The following DNAH7 variants were observed in gnomAD, a reference collection of about 807,000 sequenced individuals.
DNAH7 encodes dynein axonemal heavy chain 7.
In DNAH7, 397 loss-of-function variants were observed where a neutral mutation model predicts 444.6. That is an observed-to-expected ratio of 0.89 (90% CI 0.82 to 0.97). The LOEUF is 0.97. DNAH7 is among the 50% of genes least tolerant of loss of function. The probability of loss-of-function intolerance (pLI) is 0.00; values close to 1 mark genes in which losing one functional copy is unlikely to be tolerated. For missense variants in DNAH7, 4,902 were observed against 4,800.8 expected, an observed-to-expected ratio of 1.02 and a Z score of -0.62; for synonymous variants, 1,636 against 1,624.4, an observed-to-expected ratio of 1.01 and a Z score of -0.17.
At chr2:195,829,733 T>C (rs913324238) in intron 48 of DNAH7, among the ~76,000 whole-genome samples, 4 of 152,026 alleles carry the variant, frequency 2.6e-5, no homozygotes, top group Admixed American at 2.0e-4. Context: ...TATTAATATA[T>C]GTAAAAATCA....
chr2:195,904,544 CAGTTTTTTAA>C (rs979580551), intron 27 of DNAH7: 9 of 152,088 alleles, frequency 5.9e-5, no homozygotes, highest in African/African-American at 2.2e-4. Flanking sequence ...AGGAGCCCAG[CAGTTTTTTAA>C]AGCTGAAGAT....
At chr2:195,986,923 A>T in intron 14 of DNAH7, 143 bp downstream of exon 14, 1 of 753,468 alleles carries the variant, frequency 1.3e-6, no homozygotes, top group South Asian at 3.2e-5. Context: ...TGACACTTAA[A>T]GCCAAGCAGA....
chr2:195,900,590 G>A (rs1283035404), intron 27 of DNAH7, 96 bp from the exon 28 acceptor site: 4 of 1,184,604 alleles, frequency 3.4e-6, no homozygotes, highest in Non-Finnish European at 4.8e-6. Context: ...ATATGTGGAG[G>A]CTAAAAAAGT....
In DNAH7 at chr2:195,972,485, T is replaced by C. The variant is rs1559290372; in HGVS notation, c.1834-19A>G. 1 of 1,583,490 alleles carries C rather than the reference T, an allele frequency of 6.3e-7. No homozygotes were observed. Among genetic ancestry groups the C allele is most frequent in the East Asian group, 2.2e-5 (1 of 44,682 alleles). ...TGTAAGCCTGAGGGAAAACAAAAATTACAGGTGACATTTTAACGAACAGCT... is the reference window on the plus strand; with the variant it reads ...TGTAAGCCTGAGGGAAAACAAAAATCACAGGTGACATTTTAACGAACAGCT... On this transcript the variant is annotated intron_variant, in intron 15 of 64. Coordinates refer to ENST00000312428, the MANE Select transcript of DNAH7 (RefSeq NM_018897.3).
At chr2:195,890,697 C>T (rs187660167) in intron 31 of DNAH7, among the ~76,000 whole-genome samples, 170 of 152,244 alleles carry the variant, frequency 1.1e-3, no homozygotes, top group Admixed American at 2.7e-3. Context: ...TAACACTTGA[C>T]TTTGGGCAAG....
chr2:195,740,687 T>C, intron 64 of DNAH7, 79 bp downstream of exon 64: 2 of 345,356 alleles, frequency 5.8e-6, no homozygotes, highest in Middle Eastern at 1.1e-3. Flanking sequence ...ATACACACAA[T>C]ATGGGGTCTA....
At chr2:195,806,854 T>G (rs1175171771) in intron 53 of DNAH7, 22 bp from the exon 54 acceptor site, 26 of 1,578,506 alleles carry the variant, frequency 1.6e-5, no homozygotes, top group Non-Finnish European at 2.2e-5. Flanking sequence ...GTGTAAATAA[T>G]TCAGTTATTT....
intron 41 of DNAH7, 145 bp downstream of exon 41, chr2:195,864,004 T>C: frequency 2.8e-6 from 2 of 710,638 alleles, no homozygotes. Context: ...TCTTGAATTA[T>C]AATTTCATAA....
intron 54 of DNAH7, among the ~76,000 whole-genome samples, chr2:195,800,204 C>A (rs975157889): frequency 1.3e-5 from 2 of 152,168 alleles, no homozygotes; most frequent in Non-Finnish European, 2.9e-5. Flanking sequence ...TTAGGCCTCT[C>A]CTCCCAACAC....
chr2:195,952,153 T>C (rs1319941934), intron 19 of DNAH7, among the ~76,000 whole-genome samples: 3 of 152,158 alleles, frequency 2.0e-5, no homozygotes, highest in East Asian at 3.9e-4. Flanking sequence ...CAGGATTTGT[T>C]TGTCTGTAAA....
chr2:195,778,733 CAT>C lies in DNAH7; in HGVS notation c.10879-750_10879-749del, dbSNP rs34943791. 8.5e-5 allele frequency among the ~76,000 whole-genome samples: 10 copies of C among 117,202 alleles called. 1 individual carries two copies. Among genetic ancestry groups the C allele is most frequent in the African/African-American group, 2.6e-4 (7 of 27,276 alleles). The allele number at this position is 117,202 out of a possible 152,430, so 76.9% of individuals were successfully genotyped here. On this transcript the variant is annotated intron_variant, in intron 58 of 64. Transcript: ENST00000312428. ...ATATATATACACATATATATATACA[CAT>C]ATATATATATAATAAAACTCAGAGA...
intron 21 of DNAH7, among the ~76,000 whole-genome samples, chr2:195,932,305 T>C (rs1688753250): frequency 1.3e-5 from 2 of 152,192 alleles, no homozygotes; most frequent in Non-Finnish European, 2.9e-5. Flanking sequence ...CTTATCAGCT[T>C]AAGGAGATTT....
chr2:195,765,981 A>G (rs574349287), intron 61 of DNAH7, among the ~76,000 whole-genome samples: 1 of 152,216 alleles, frequency 6.6e-6, no homozygotes, highest in Admixed American at 6.5e-5. Context: ...ACCTGTGTCC[A>G]TCAACAAAGG....
chr2:195,878,593 C>T (rs929985696), intron 36 of DNAH7, among the ~76,000 whole-genome samples: 1 of 152,078 alleles, frequency 6.6e-6, no homozygotes, highest in African/African-American at 2.4e-5. Flanking sequence ...GAGCAAGACC[C>T]TGTCTCTCAA....
At chr2:195,800,704 A>G (rs2106004805) in intron 54 of DNAH7, among the ~76,000 whole-genome samples, 1 of 152,314 alleles carries the variant, frequency 6.6e-6, no homozygotes, top group Non-Finnish European at 1.5e-5. Context: ...TGACACCTTC[A>G]TTAAGTGCGA....
chr2:195,817,797 C>T lies in DNAH7; in HGVS notation c.9324G>A (p.Glu3108=), dbSNP rs1252189663. 6 of 1,607,138 alleles carry T rather than the reference C, an allele frequency of 3.7e-6. No homozygotes were observed. The highest frequency in any genetic ancestry group is 2.7e-5 in the African/African-American group (2 of 74,522). Residue 3108 remains glutamate (E), a synonymous_variant, in exon 50 of 65, where the codon GAG becomes GAA. Coordinates refer to ENST00000312428, the MANE Select transcript of DNAH7 (RefSeq NM_018897.3). The part of the protein sequence containing the change: ...VTLLNFMITP[E]GMQDQLLGIV... ...TTCCCAGAAGCTGATCTTGCATTCCCTCAGGGGTTATCATGAAGTTTAATA... is the reference window on the plus strand; with the variant it reads ...TTCCCAGAAGCTGATCTTGCATTCCTTCAGGGGTTATCATGAAGTTTAATA...
chr2:195,988,826 C>T (rs1055197549), intron 12 of DNAH7, among the ~76,000 whole-genome samples: 1 of 152,104 alleles, frequency 6.6e-6, no homozygotes, highest in Non-Finnish European at 1.5e-5. Flanking sequence ...CAACCTGTCC[C>T]CATCTCCCCC....
Position 195,984,673 on chromosome 2 carries a change from G to C in DNAH7, c.1792C>G (p.Leu598Val). Residue 598 changes from leucine to valine, a missense_variant, in exon 15 of 65, where the codon CTT becomes GTT. Physicochemically the swap from Leu to Val is conservative, Grantham distance 32. Coordinates refer to ENST00000312428, the MANE Select transcript of DNAH7 (RefSeq NM_018897.3). ...TCTGCTGTATTTGGAGGAGTGCTAA[G>C]AGCTTTTTCAGCTATCCTCTCAAAT... is the stretch of plus-strand genomic sequence containing the variant. ...DEFERIAEKA[L>V]STPPNTAELM... 1 of 1,613,920 alleles carries C rather than the reference G, an allele frequency of 6.2e-7. No homozygotes were observed. The highest frequency in any genetic ancestry group is 8.5e-7 in the Non-Finnish European group (1 of 1,179,944).
At chr2:195,748,453 A>G (rs1484470245) in intron 63 of DNAH7, among the ~76,000 whole-genome samples, 1 of 152,226 alleles carries the variant, frequency 6.6e-6, no homozygotes, top group Non-Finnish European at 1.5e-5. Context: ...TCAAGCTACC[A>G]ATGACTTTCT....
Sources: gnomAD v4.1 joint callset for allele counts (sites outside exome capture counted in the v4.1 genomes callset) on GRCh38, gnomAD v4.1.1 for gene constraint, MANE v1.5 for transcripts, NCBI Gene and HGNC (gene_info 2026-07-23, HGNC 2026-07-21) for gene names.